CACNA2D3: variants seen among roughly 807,000 people sequenced by gnomAD.
CACNA2D3 encodes the protein voltage-dependent calcium channel subunit alpha-2/delta-3.
CACNA2D3 carries 60 observed loss-of-function variants against 160.6 expected under a neutral mutation model. The ratio of observed to expected loss-of-function variants is 0.37; its 90% CI spans 0.30 to 0.46. The LOEUF (loss-of-function observed/expected upper bound fraction) is 0.46, where lower values mean the gene tolerates loss of function less well. CACNA2D3 is among the 20% of genes least tolerant of loss of function. CACNA2D3 has a pLI of 1.00. For missense variants in CACNA2D3, 1,205 were observed against 1,365.0 expected, an observed-to-expected ratio of 0.88 and a Z score of 1.85; for synonymous variants, 558 against 492.9, an observed-to-expected ratio of 1.13 and a Z score of -1.75.
At chr3:54,880,393 A>G (rs549411748) in intron 20 of CACNA2D3, among the ~76,000 whole-genome samples, 39 of 152,344 alleles carry the variant, frequency 2.6e-4, no homozygotes, top group African/African-American at 9.1e-4. Flanking sequence ...GCCCTTGAGC[A>G]GGGGTCAATT....
chr3:54,278,097 G>C (rs552033754), intron 2 of CACNA2D3, among the ~76,000 whole-genome samples: 2 of 152,192 alleles, frequency 1.3e-5, no homozygotes, highest in East Asian at 3.9e-4. Flanking sequence ...CTATCCATCT[G>C]ACAAAGGGCT....
chr3:54,739,073 G>A (rs1417133009), intron 11 of CACNA2D3, among the ~76,000 whole-genome samples: 1 of 152,018 alleles, frequency 6.6e-6, no homozygotes, highest in Non-Finnish European at 1.5e-5. Context: ...TTGGGCTGCA[G>A]TGAGCCGAGA....
chr3:54,183,320 T>G (rs1700818025), intron 2 of CACNA2D3, among the ~76,000 whole-genome samples: 1 of 151,674 alleles, frequency 6.6e-6, no homozygotes, highest in East Asian at 1.9e-4. Context: ...GTTTTAGTGT[T>G]TGGAGTGGTA....
chr3:54,192,652 A>C (rs1215642913), intron 2 of CACNA2D3, among the ~76,000 whole-genome samples: 1 of 148,342 alleles, frequency 6.7e-6, no homozygotes, highest in Non-Finnish European at 1.5e-5. Flanking sequence ...AGCTCCCTAC[A>C]TGCTTTTCCC....
At chr3:54,431,552 C>G (rs1283808373) in intron 4 of CACNA2D3, among the ~76,000 whole-genome samples, 1 of 151,926 alleles carries the variant, frequency 6.6e-6, no homozygotes, top group African/African-American at 2.4e-5. Context: ...TTCAAACCCA[C>G]GTTGTTTAAG....
chr3:54,559,197 A>G (rs1196543298), intron 5 of CACNA2D3, among the ~76,000 whole-genome samples: 1 of 152,216 alleles, frequency 6.6e-6, no homozygotes, highest in Admixed American at 6.5e-5. Flanking sequence ...ACCATCACAG[A>G]GCATCCTCAG....
rs576242497 is a variant in CACNA2D3, at chr3:54,495,830, C to T, written c.382-7662C>T. Among the ~76,000 whole-genome samples, 4 of 152,322 alleles carry T rather than the reference C, an allele frequency of 2.6e-5. No individual in the cohort carries two copies. The South Asian group carries it at 6.2e-4, about 24-fold the overall frequency. On this transcript the variant is annotated intron_variant, in intron 4 of 37. Transcript: ENST00000474759. ...TGTACCTCTCTAGTTGACTCTCACT[C>T]TCCCTCTGAGAAGCAACTCCTGAGT...
At chr3:54,854,907 G>T (rs1699133662) in intron 17 of CACNA2D3, among the ~76,000 whole-genome samples, 1 of 152,146 alleles carries the variant, frequency 6.6e-6, no homozygotes, top group African/African-American at 2.4e-5. Flanking sequence ...CCACCTCTGT[G>T]AGCCCATAGT....
chr3:54,810,510 G>A lies in CACNA2D3; in HGVS notation c.1381-6343G>A, dbSNP rs79119192. 3.7e-3 allele frequency among the ~76,000 whole-genome samples: 559 copies of A among 152,210 alleles called. 3 individuals are homozygous for A. The highest frequency in any genetic ancestry group is 0.013 in the African/African-American group (528 of 41,524). On this transcript the variant is annotated intron_variant, in intron 13 of 37. Coordinates refer to ENST00000474759, the MANE Select transcript of CACNA2D3 (RefSeq NM_018398.3). ...AGATTATACATGCAAGCATCCACAGGGAAAAAAATGAACACACAGAACCTC... is the reference window on the plus strand; with the variant it reads ...AGATTATACATGCAAGCATCCACAGAGAAAAAAATGAACACACAGAACCTC...
chr3:54,737,385 C>T (rs538150315), intron 11 of CACNA2D3, among the ~76,000 whole-genome samples: 1 of 152,046 alleles, frequency 6.6e-6, no homozygotes, highest in Admixed American at 6.6e-5. Flanking sequence ...ATGATGAGTC[C>T]TAAAAAATAG....
intron 5 of CACNA2D3, among the ~76,000 whole-genome samples, chr3:54,511,034 T>TC (rs1701450507): frequency 6.6e-6 from 1 of 152,138 alleles, no homozygotes; most frequent in South Asian, 2.1e-4. Flanking sequence ...GCTACCCCAT[T>TC]CCCCCTCTTC....
intron 9 of CACNA2D3, among the ~76,000 whole-genome samples, chr3:54,597,315 C>G (rs1438620031): frequency 1.3e-5 from 2 of 152,168 alleles, no homozygotes; most frequent in East Asian, 3.9e-4. Flanking sequence ...GCAAGGTCAT[C>G]TTCCCTACCT....
At chr3:54,626,537 C>T (rs1051103852) in intron 9 of CACNA2D3, 56 of 1,605,686 alleles carry the variant, frequency 3.5e-5, no homozygotes, top group Non-Finnish European at 4.7e-5. Context: ...GAGATCAAGC[C>T]CGAGATGATC....
chr3:54,383,830 A>G (rs1230904062), intron 3 of CACNA2D3, among the ~76,000 whole-genome samples: 3 of 152,220 alleles, frequency 2.0e-5, no homozygotes, highest in African/African-American at 4.8e-5. Flanking sequence ...AGTTAATACA[A>G]TATTATCAGA....
At chr3:54,718,304 T>C (rs1193544468) in intron 11 of CACNA2D3, among the ~76,000 whole-genome samples, 1 of 152,134 alleles carries the variant, frequency 6.6e-6, no homozygotes, top group Non-Finnish European at 1.5e-5. Context: ...ATTTAAGACA[T>C]ATTTCCCTGC....
intron 3 of CACNA2D3, among the ~76,000 whole-genome samples, chr3:54,324,391 A>G (rs971897774): frequency 2.6e-5 from 4 of 152,226 alleles, no homozygotes; most frequent in Non-Finnish European, 5.9e-5. Flanking sequence ...TGCCCATTAC[A>G]TAACCCCTGT....
chr3:54,198,785 A>C (rs1167805055), intron 2 of CACNA2D3, among the ~76,000 whole-genome samples: 3 of 152,268 alleles, frequency 2.0e-5, no homozygotes, highest in Non-Finnish European at 4.4e-5. Context: ...GGCTTTAGCC[A>C]GACCTCCCTG....
intron 9 of CACNA2D3, among the ~76,000 whole-genome samples, chr3:54,594,618 C>G (rs1702918738): frequency 6.6e-6 from 1 of 152,104 alleles, no homozygotes. Context: ...TGCCAGTTAA[C>G]CAATTTCTGA....
intron 32 of CACNA2D3, among the ~76,000 whole-genome samples, chr3:55,007,569 T>C (rs540366270): frequency 2.0e-5 from 3 of 152,358 alleles, no homozygotes; most frequent in South Asian, 4.1e-4. Context: ...TTTATTTTAC[T>C]TGTAAATCAC....
Sources: gnomAD v4.1 joint callset for allele counts (sites outside exome capture counted in the v4.1 genomes callset) on GRCh38, gnomAD v4.1.1 for gene constraint, MANE v1.5 for transcripts, NCBI Gene and HGNC (gene_info 2026-07-23, HGNC 2026-07-21) for gene names.